UCHL5: variants seen among roughly 807,000 people sequenced by gnomAD.
UCHL5 encodes the protein ubiquitin C-terminal hydrolase L5.
UCHL5 carries 34 observed loss-of-function variants against 53.8 expected under a neutral mutation model. The observed-to-expected ratio is 0.63, with a 90% CI of 0.48 to 0.84. The LOEUF (loss-of-function observed/expected upper bound fraction) is 0.84. UCHL5 is among the 40% of genes least tolerant of loss of function. The pLI is 0.00. For synonymous variants in UCHL5, 111 were observed against 126.3 expected, an observed-to-expected ratio of 0.88 and a Z score of 0.81; for missense variants, 290 against 385.6, an observed-to-expected ratio of 0.75 and a Z score of 2.08.
chr1:193,037,851 C>A, intron 3 of UCHL5, among the ~76,000 whole-genome samples: 1 of 148,460 alleles, frequency 6.7e-6, no homozygotes, highest in African/African-American at 2.5e-5. Flanking sequence ...ACAAACCAAA[C>A]CTGCACGTTG....
chr1:193,020,373 T>C (rs1277789736), intron 10 of UCHL5: 15 of 1,548,360 alleles, frequency 9.7e-6, no homozygotes, highest in Admixed American at 2.0e-5. Context: ...TCTCAAAGTG[T>C]TTCTCAAACT....
chr1:193,032,500 T>C (rs111508746), intron 3 of UCHL5, among the ~76,000 whole-genome samples: 3 of 152,158 alleles, frequency 2.0e-5, no homozygotes, highest in African/African-American at 7.2e-5. Flanking sequence ...CCAAAAGCAA[T>C]TGCAACAAAA....
intron 10 of UCHL5, chr1:193,018,378 C>A: frequency 2.2e-6 from 1 of 444,824 alleles, no homozygotes. Context: ...CATAAATATA[C>A]CTGAATAAAT....
chr1:193,049,931 G>C, intron 2 of UCHL5, 80 bp from the exon 3 acceptor site: 1 of 1,200,038 alleles, frequency 8.3e-7, no homozygotes, highest in Non-Finnish European at 1.1e-6. Flanking sequence ...ATTTTAGTCA[G>C]TTATCTAACA....
rs776658542 is a variant in UCHL5, at chr1:193,049,741, C to T, written c.246+5G>A. 1.6e-5 allele frequency: 26 copies of T among 1,607,012 alleles called. No homozygotes were observed. In the East Asian group the frequency reaches 5.6e-4, roughly 34 times the overall value. ...GAGACTTTTCAGAGTATCCAAGGAC[C>T]ATACCTGCTTAGCAAAAAATATCGT... On this transcript the variant is annotated splice_donor_5th_base_variant and intron_variant, in intron 3 of 10. Transcript: ENST00000367454.
rs920975988 is a variant in UCHL5, at chr1:193,032,032, C to T, written c.247-2375G>A. ...CTTAAGAGTTTGGTTTGAATTCCTA[C>T]GCCAGGGTATATAGTCTTTAGTTTA... On this transcript the variant is annotated intron_variant, in intron 3 of 10. Transcript: ENST00000367454. Among the ~76,000 whole-genome samples the T allele has an allele frequency of 3.3e-5, 5 of 152,228 alleles. No homozygotes were observed. In the East Asian group the frequency reaches 5.8e-4, roughly 18 times the overall value.
At chr1:193,049,932 T>TATATCTA in intron 2 of UCHL5, 81 bp from the exon 3 acceptor site, 1 of 1,196,884 alleles carries the variant, frequency 8.4e-7, no homozygotes, top group Admixed American at 3.0e-5. Context: ...TTTTAGTCAG[T>TATATCTA]TATCTAACAA....
At chr1:193,054,712 G>T (rs1190513759) in intron 1 of UCHL5, among the ~76,000 whole-genome samples, 2 of 152,156 alleles carry the variant, frequency 1.3e-5, no homozygotes, top group Non-Finnish European at 2.9e-5. Context: ...TGAAAGCCAG[G>T]CATTATCTCT....
At chr1:193,042,931 T>TAGCCAGTATTTG (rs1308522208) in intron 3 of UCHL5, among the ~76,000 whole-genome samples, 7 of 151,956 alleles carry the variant, frequency 4.6e-5, no homozygotes, top group Admixed American at 4.6e-4. Flanking sequence ...CTAACTCAAA[T>TAGCCAGTATTTG]GACTGAGTTT....
At chr1:193,017,451 A>G (rs1457311158) in intron 10 of UCHL5, among the ~76,000 whole-genome samples, 1 of 151,756 alleles carries the variant, frequency 6.6e-6, no homozygotes, top group African/African-American at 2.4e-5. Flanking sequence ...TCTGTGTGTC[A>G]TATTAAAAAT....
At chr1:193,059,944 G>T (rs1228037804), upstream of UCHL5, 1 of 1,366,414 alleles carries the variant, frequency 7.3e-7, no homozygotes, top group Admixed American at 1.9e-5. This position sits in a 1 kb window ranked among gnomAD's most constrained non-coding sequence, Gnocchi z 4.9. Context: ...GTCCACCCTG[G>T]GTAACGGAAC....
intron 3 of UCHL5, among the ~76,000 whole-genome samples, chr1:193,036,317 CAAAAAAAAAAA>C (rs960496083): frequency 1.2e-4 from 6 of 50,794 alleles, no homozygotes; most frequent in South Asian, 9.0e-4. Context: ...AACTGGAAAC[CAAAAAAAAAAA>C]AAAAAAAAAA....
intron 10 of UCHL5, among the ~76,000 whole-genome samples, chr1:193,018,190 A>G (rs139790125): frequency 4.6e-5 from 7 of 151,612 alleles, no homozygotes; most frequent in African/African-American, 9.6e-5. Context: ...CTTATTACCA[A>G]TTGAATCACA....
At chr1:193,021,546 C>G (rs892401125) in intron 9 of UCHL5, among the ~76,000 whole-genome samples, 2 of 152,138 alleles carry the variant, frequency 1.3e-5, no homozygotes, top group Admixed American at 6.5e-5. Flanking sequence ...TCTAATGAGA[C>G]CAGCTTTATT....
chr1:193,047,479 T>C (rs1045246970), intron 3 of UCHL5, among the ~76,000 whole-genome samples: 1 of 151,430 alleles, frequency 6.6e-6, no homozygotes, highest in African/African-American at 2.4e-5. Flanking sequence ...AATACTCAAT[T>C]CAAAAAAGTC....
Position 193,048,737 on chromosome 1 carries a change from T to C in UCHL5, c.246+1009A>G, listed in dbSNP as rs142211684. On this transcript the variant is annotated intron_variant, in intron 3 of 10. Transcript: ENST00000367454. ...AGCAGATAGGATCCAGCTGTGCTAT[T>C]AAGGCAGACATTTAAAAGATTTGCA... Among the ~76,000 whole-genome samples the C allele has an allele frequency of 8.9e-3, 1,363 of 152,358 alleles. 13 individuals carry two copies. The highest frequency in any genetic ancestry group is 0.034 in the South Asian group (162 of 4,828).
intron 8 of UCHL5, 32 bp from the exon 9 acceptor site, chr1:193,023,068 C>G (rs1657746553): frequency 7.0e-7 from 1 of 1,419,578 alleles, no homozygotes; most frequent in Admixed American, 1.8e-5. Flanking sequence ...AATAGCACAC[C>G]CTAATAATTG....
chr1:193,042,900 C>T (rs1666067063), intron 3 of UCHL5, among the ~76,000 whole-genome samples: 1 of 152,062 alleles, frequency 6.6e-6, no homozygotes, highest in Admixed American at 6.6e-5. Flanking sequence ...ATGAAGACAA[C>T]TTTCTTAGTG....
chr1:193,028,439 AT>A (rs993157927), intron 6 of UCHL5, among the ~76,000 whole-genome samples: 17 of 152,266 alleles, frequency 1.1e-4, no homozygotes, highest in African/African-American at 4.1e-4. Context: ...ACCCATGTTA[AT>A]TTTTTTAAAA....
Sources: allele counts gnomAD v4.1 joint callset (sites outside exome capture counted in the v4.1 genomes callset), GRCh38; gene constraint gnomAD v4.1.1; non-coding constraint Gnocchi (gnomAD v3.1); transcripts MANE v1.5; gene names NCBI Gene and HGNC (gene_info 2026-07-23, HGNC 2026-07-21).